PLEKHG5: variants seen among roughly 807,000 people sequenced by gnomAD.
The protein encoded by PLEKHG5 is pleckstrin homology and RhoGEF domain containing G5, also known as pleckstrin homology domain-containing family G member 5.
A neutral mutation model predicts 103.8 loss-of-function variants in PLEKHG5; 52 were observed. The observed-to-expected ratio is 0.50, with a 90% CI of 0.40 to 0.63. The LOEUF (loss-of-function observed/expected upper bound fraction) is 0.63, where lower values mean the gene tolerates loss of function less well. Among genes scored for constraint, PLEKHG5 ranks in the 30% least tolerant of loss-of-function variants. The probability of loss-of-function intolerance (pLI) is 0.00; values close to 1 mark genes in which losing one functional copy is unlikely to be tolerated. For missense variants in PLEKHG5, 1,205 were observed against 1,347.6 expected (o/e 0.89, Z 1.66); for synonymous variants, 592 against 575.5 (o/e 1.03, Z -0.41).
chr1:6,475,381 C>A, intron 4 of PLEKHG5, 81 bp downstream of exon 4: 5 of 1,233,964 alleles, frequency 4.1e-6, no homozygotes, highest in Non-Finnish European at 6.0e-6. Flanking sequence ...TCCCCACCCC[C>A]ATCCCGGAGG....
chr1:6,506,370 C>T (rs1223957925), intron 1 of PLEKHG5, among the ~76,000 whole-genome samples: 1 of 152,172 alleles, frequency 6.6e-6, no homozygotes, highest in African/African-American at 2.4e-5. Flanking sequence ...CGGCCCCACA[C>T]AAAGCGCCTT....
intron 5 of PLEKHG5, 180 bp downstream of exon 5, chr1:6,474,867 C>A: frequency 1.4e-6 from 1 of 714,078 alleles, no homozygotes. Context: ...AGTACACAGA[C>A]CCCACCGCAC....
chr1:6,474,602 G>C lies in PLEKHG5; in HGVS notation c.303-15C>G. On this transcript the variant is annotated splice_polypyrimidine_tract_variant and intron_variant, in intron 5 of 20. Coordinates refer to ENST00000377728, the MANE Select transcript of PLEKHG5 (RefSeq NM_020631.6). ...GCAGCACCTCCCTGCCCCCAGGACA[G>C]GAGGCATGTGTGTTAGAACCAGGCG... 1 of 1,613,094 alleles carries C rather than the reference G, an allele frequency of 6.2e-7. No individual in the cohort carries two copies. The highest frequency in any genetic ancestry group is 1.3e-5 in the African/African-American group (1 of 75,038).
chr1:6,499,099 C>T (rs532644530), upstream of PLEKHG5, among the ~76,000 whole-genome samples: 10 of 152,308 alleles, frequency 6.6e-5, no homozygotes, highest in South Asian at 6.2e-4. Flanking sequence ...ATCTGCTGTC[C>T]GCCCAGAAAG....
chr1:6,514,324 A>G (rs1439338428), intron 1 of PLEKHG5, among the ~76,000 whole-genome samples: 2 of 152,012 alleles, frequency 1.3e-5, no homozygotes, highest in Admixed American at 6.6e-5. Flanking sequence ...GCATGGTGGT[A>G]TGCGCCTGTG....
upstream of PLEKHG5, among the ~76,000 whole-genome samples, chr1:6,493,445 C>T (rs900909434): frequency 6.6e-6 from 1 of 152,178 alleles, no homozygotes; most frequent in African/African-American, 2.4e-5. Flanking sequence ...ATCAGACAAG[C>T]CTCACGCAGG....
chr1:6,496,571 T>C (rs779886214), upstream of PLEKHG5: 1 of 1,566,108 alleles, frequency 6.4e-7, no homozygotes, highest in Non-Finnish European at 8.7e-7. Context: ...TCTGGTCGTC[T>C]GCAGGGGAGG....
upstream of PLEKHG5, among the ~76,000 whole-genome samples, chr1:6,494,336 G>T (rs1272504032): frequency 6.6e-6 from 1 of 151,500 alleles, no homozygotes; most frequent in Non-Finnish European, 1.5e-5. Flanking sequence ...TCGCCATGTT[G>T]GCCAGGCTGG....
In PLEKHG5 at chr1:6,475,487, T is replaced by A. The variant is rs773317550; in HGVS notation, c.185A>T (p.Lys62Met). The change falls in exon 4 of 21, where the codon AAG (lysine) becomes ATG (methionine). Residue 62 changes from lysine to methionine, a missense_variant. Physicochemically the swap from Lys to Met is moderately conservative, Grantham distance 95. Coordinates refer to ENST00000377728, the MANE Select transcript of PLEKHG5 (RefSeq NM_020631.6). ...RKSTGLKLSKKKARRRHTDDP... is the reference protein window; with the variant it reads ...RKSTGLKLSKMKARRRHTDDP... ...ATCCGTGTGTCTCCTCCTTGCTTTC[T>A]TCTTGGAGAGTTTCAGGCCTGTGCT... 2 of 1,613,542 alleles carry A rather than the reference T, an allele frequency of 1.2e-6. No homozygotes were observed. Among genetic ancestry groups the A allele is most frequent in the South Asian group, 2.2e-5 (2 of 91,066 alleles).
chr1:6,519,579 T>A, exon 1 of PLEKHG5: 1 of 1,165,808 alleles, frequency 8.6e-7, no homozygotes, highest in Non-Finnish European at 1.3e-6. Flanking sequence ...CAGGCCTCTC[T>A]AATCAGACAC....
At chr1:6,498,503 C>T (rs981840799), upstream of PLEKHG5, among the ~76,000 whole-genome samples, 3 of 152,236 alleles carry the variant, frequency 2.0e-5, no homozygotes, top group African/African-American at 7.2e-5. Flanking sequence ...TCTGAGGATC[C>T]CCATGAGCCA....
rs1437471922 is a variant in PLEKHG5 at position 6,485,608 on chromosome 1, C to T, written c.-88+6029G>A. ...CCCAGGAAGGCGGACACCTCCCTCC[C>T]GCCCGGGCCCTCGCCACCCAGCCCC... On this transcript the variant is annotated intron_variant, in intron 1 of 20. Transcript: ENST00000377728. 1.6e-5 allele frequency: 10 copies of T among 626,846 alleles called. No individual in the cohort carries two copies. The Admixed American group carries it at 1.8e-4, about 12-fold the overall frequency. 38.8% of individuals were successfully genotyped at this position (626,846 alleles called of 1,614,324 possible). A position where few individuals can be genotyped will look rare whatever the true frequency, so the allele number is the denominator to read the frequency against.
intron 1 of PLEKHG5, among the ~76,000 whole-genome samples, chr1:6,483,025 A>G (rs1644941000): frequency 6.6e-6 from 1 of 152,150 alleles, no homozygotes; most frequent in Admixed American, 6.6e-5. Flanking sequence ...CCAGATTTTA[A>G]CCCACATTCA....
upstream of PLEKHG5, chr1:6,496,652 G>C: frequency 3.0e-6 from 3 of 998,892 alleles, no homozygotes; most frequent in Non-Finnish European, 4.3e-6. Context: ...CGGAGGAGGG[G>C]TGGGGTGATC....
rs770593694 is a variant in PLEKHG5 at position 6,468,294 on chromosome 1, G to C, written c.2542C>G (p.Arg848Gly). Residue 848 changes from arginine to glycine, a missense_variant, in exon 20 of 21, where the codon CGA (arginine) becomes GGA (glycine). Physicochemically the swap from Arg to Gly is moderately radical, Grantham distance 125. Transcript: ENST00000377728. Reference protein sequence around the residue: ...ELVPRAPESPRVPSPPPSPRL... With the variant: ...ELVPRAPESPGVPSPPPSPRL... ...GGCGAGGGTGGAGGGGAAGGAACTC[G>C]TGGGGACTCTGGGGCCCGAGGCACT... 1.9e-6 allele frequency: 3 copies of C among 1,609,976 alleles called. No homozygotes were observed. The highest frequency in any genetic ancestry group is 2.5e-6 in the Non-Finnish European group (3 of 1,178,462).
In PLEKHG5 at chr1:6,467,494, C is replaced by T. The variant is rs184257653; in HGVS notation, c.*69G>A. 13 of 1,504,388 alleles carry T rather than the reference C, an allele frequency of 8.6e-6. No homozygotes were observed. The East Asian group carries it at 9.0e-5, about 10-fold the overall frequency. 93.2% of individuals were successfully genotyped at this position (1,504,388 alleles called of 1,614,324 possible). On this transcript the variant is annotated 3_prime_UTR_variant, in exon 21 of 21. Transcript: ENST00000377728. ...AGGAGGCAGTAGCTGAAGCAGGTGC[C>T]GGCACGCCCCAGGAGGCAGGCTGTC...
In PLEKHG5 at chr1:6,470,738, G is replaced by A. The variant is rs529686197; in HGVS notation, c.1539C>T (p.Ala513=). The change falls in exon 14 of 21, where the codon GCC becomes GCT. Residue 513 remains alanine (A), a synonymous_variant. Coordinates refer to ENST00000377728, the MANE Select transcript of PLEKHG5 (RefSeq NM_020631.6). ...TCCCGCTGGCCATCAGGGTTACCAT[G>A]GCGACGACGGCCTCCTTGGCGCGCG... The part of the protein sequence containing the change: ...EEPRAKEAVV[A]MIGSVERFIH... 5 of 1,557,010 alleles carry A rather than the reference G, an allele frequency of 3.2e-6. No homozygotes were observed. The highest frequency in any genetic ancestry group is 1.4e-5 in the African/African-American group (1 of 73,700).
At position 6,467,243 on chromosome 1, in the gene PLEKHG5, A is replaced by T. The variant is rs1263917824; in HGVS notation, c.*320T>A. On this transcript the variant is annotated 3_prime_UTR_variant, in exon 21 of 21. Coordinates refer to ENST00000377728, the MANE Select transcript of PLEKHG5 (RefSeq NM_020631.6). The stretch of plus-strand genomic sequence containing the variant: ...GAAGGTGGGGGCAGGGCAGGAGTGA[A>T]TCCCACTGGAGGCCAGTGAGGGTAG... The T allele has an allele frequency of 3.8e-6, 2 of 527,448 alleles. No homozygotes were observed. Among genetic ancestry groups the T allele is most frequent in the East Asian group, 6.6e-5 (2 of 30,132 alleles). The allele number at this position is 527,448 out of a possible 1,614,324, so 32.7% of individuals were successfully genotyped here.
chr1:6,485,154 G>T (rs943320089), intron 1 of PLEKHG5, among the ~76,000 whole-genome samples: 1 of 152,148 alleles, frequency 6.6e-6, no homozygotes, highest in Non-Finnish European at 1.5e-5. Context: ...CGTCACCAGG[G>T]TGCAGCTGCC....
Sources: allele counts gnomAD v4.1 joint callset (sites outside exome capture counted in the v4.1 genomes callset), GRCh38; gene constraint gnomAD v4.1.1; transcripts MANE v1.5; gene names NCBI Gene and HGNC (gene_info 2026-07-23, HGNC 2026-07-21).